Variants in BTBD7 observed in about 807,000 individuals in gnomAD.
The protein encoded by BTBD7 is BTB/POZ domain-containing protein 7.
A neutral mutation model predicts 99.9 loss-of-function variants in BTBD7; 38 were observed. That is an observed-to-expected ratio of 0.38 (90% CI 0.29 to 0.50). The LOEUF (loss-of-function observed/expected upper bound fraction) is 0.50. Among genes scored for constraint, BTBD7 ranks in the 20% least tolerant of loss-of-function variants. The pLI is 0.93. For synonymous variants in BTBD7, 520 were observed against 511.4 expected, an observed-to-expected ratio of 1.02 and a Z score of -0.23; for missense variants, 1,170 against 1,394.6, an observed-to-expected ratio of 0.84 and a Z score of 2.57.
rs1384237878 is a variant in BTBD7, at chr14:93,242,514, T to C, written c.3158A>G (p.His1053Arg). The change falls in exon 11 of 11, where the codon CAT (histidine) becomes CGT (arginine). Residue 1053 changes from histidine to arginine, a missense_variant. Transcript: ENST00000334746. ...APENASTGPAHVRGRTAVETD... is the reference protein window; with the variant it reads ...APENASTGPARVRGRTAVETD... Reference sequence around the variant, plus strand: ...TTCTACTGCAGTTCGTCCCCTGACATGGGCTGGACCGGTACTAGCATTTTC... The same window carrying C: ...TTCTACTGCAGTTCGTCCCCTGACACGGGCTGGACCGGTACTAGCATTTTC... 4 of 1,614,232 alleles carry C rather than the reference T, an allele frequency of 2.5e-6. No homozygotes were observed. Among genetic ancestry groups the C allele is most frequent in the East Asian group, 2.2e-5 (1 of 44,890 alleles).
rs376287552 is a variant in BTBD7 at position 93,332,525 on chromosome 14, G to C, written c.-107+295C>G. 1.0e-3 allele frequency among the ~76,000 whole-genome samples: 154 copies of C among 151,358 alleles called. 1 individual carries two copies. In the East Asian group the frequency reaches 0.024, roughly 24 times the overall value. ...GCCGGGCTGCCGTCGCGACTCCCTC[G>C]GGCCGCTCTCCCCGCCCCGAGCGCC... On this transcript the variant is annotated intron_variant, in intron 1 of 10. Transcript: ENST00000334746.
At chr14:93,289,722 T>C (rs1358981462) in intron 3 of BTBD7, among the ~76,000 whole-genome samples, 1 of 152,172 alleles carries the variant, frequency 6.6e-6, no homozygotes, top group Non-Finnish European at 1.5e-5. Flanking sequence ...TCAAGTGAAG[T>C]TAAATCTGGT....
intron 3 of BTBD7, among the ~76,000 whole-genome samples, chr14:93,281,911 G>C (rs2052725071): frequency 6.6e-6 from 1 of 152,216 alleles, no homozygotes; most frequent in Non-Finnish European, 1.5e-5. Flanking sequence ...GTTATTATAG[G>C]AGATGGTTTA....
At chr14:93,300,770 G>GTATA (rs1566857172) in intron 1 of BTBD7, among the ~76,000 whole-genome samples, 3 of 36,320 alleles carry the variant, frequency 8.3e-5, no homozygotes, top group Non-Finnish European at 1.4e-4. Flanking sequence ...GTGTGTGTGT[G>GTATA]TGTATATATA....
At chr14:93,297,045 G>A (rs566520849) in intron 1 of BTBD7, among the ~76,000 whole-genome samples, 3 of 152,178 alleles carry the variant, frequency 2.0e-5, no homozygotes, top group East Asian at 1.9e-4. Flanking sequence ...ATGGGGTAAC[G>A]AGTTTAAGAA....
intron 1 of BTBD7, among the ~76,000 whole-genome samples, chr14:93,305,848 T>C (rs1240294288): frequency 6.6e-6 from 1 of 152,202 alleles, no homozygotes; most frequent in African/African-American, 2.4e-5. Context: ...AGGGCCTTCT[T>C]GCTGTGCCCT....
intron 1 of BTBD7, among the ~76,000 whole-genome samples, chr14:93,316,826 C>T (rs1020262636): frequency 1.3e-5 from 2 of 152,006 alleles, no homozygotes; most frequent in African/African-American, 2.4e-5. Context: ...TGAGAAAATG[C>T]CCATGTAACA....
At chr14:93,278,829 T>C (rs1275429932) in intron 3 of BTBD7, among the ~76,000 whole-genome samples, 1 of 152,198 alleles carries the variant, frequency 6.6e-6, no homozygotes, top group African/African-American at 2.4e-5. Context: ...GCATAGTGGC[T>C]CAGGCATGTA....
chr14:93,251,793 A>C (rs971597531), intron 7 of BTBD7, 141 bp from the exon 8 acceptor site: 2 of 742,298 alleles, frequency 2.7e-6, no homozygotes, highest in Non-Finnish European at 3.8e-6. Flanking sequence ...GTGGTGAAAG[A>C]AAGTTCCCCT....
intron 7 of BTBD7, among the ~76,000 whole-genome samples, chr14:93,252,333 A>G (rs2052378270): frequency 6.6e-6 from 1 of 151,944 alleles, no homozygotes; most frequent in African/African-American, 2.4e-5. Flanking sequence ...AAGATTGATA[A>G]TCAATTCAAG....
At chr14:93,272,998 G>A (rs147167836) in intron 3 of BTBD7, among the ~76,000 whole-genome samples, 1 of 152,164 alleles carries the variant, frequency 6.6e-6, no homozygotes, top group Non-Finnish European at 1.5e-5. Context: ...CTGTGCTTTC[G>A]GCATGCACTG....
chr14:93,317,679 T>C (rs2053223129), intron 1 of BTBD7, among the ~76,000 whole-genome samples: 1 of 152,236 alleles, frequency 6.6e-6, no homozygotes, highest in South Asian at 2.1e-4. Flanking sequence ...AAGGCCTGCA[T>C]GCAAAGATGG....
chr14:93,264,908 T>C (rs1338347059), intron 3 of BTBD7, among the ~76,000 whole-genome samples: 1 of 152,166 alleles, frequency 6.6e-6, no homozygotes, highest in East Asian at 1.9e-4. Context: ...AAGACCAGTC[T>C]GGCCAACATG....
At chr14:93,317,540 G>A (rs182822864) in intron 1 of BTBD7, among the ~76,000 whole-genome samples, 38 of 151,950 alleles carry the variant, frequency 2.5e-4, no homozygotes, top group Admixed American at 1.5e-3. Context: ...GAAAACAACG[G>A]TGGAGAAAAA....
At chr14:93,291,250 A>G (rs1197041076) in intron 3 of BTBD7, among the ~76,000 whole-genome samples, 1 of 152,154 alleles carries the variant, frequency 6.6e-6, no homozygotes, top group Non-Finnish European at 1.5e-5. Flanking sequence ...AATGTTTACT[A>G]TGTAACAGGT....
chr14:93,245,778 T>C (rs763144352), intron 10 of BTBD7, 47 bp downstream of exon 10: 4 of 1,568,290 alleles, frequency 2.6e-6, no homozygotes, highest in Non-Finnish European at 2.6e-6. Flanking sequence ...TTGCTTCTAA[T>C]TCTCCATAAA....
At chr14:93,298,029 C>T (rs575681450) in intron 1 of BTBD7, among the ~76,000 whole-genome samples, 1 of 151,730 alleles carries the variant, frequency 6.6e-6, no homozygotes, top group South Asian at 2.1e-4. Context: ...TTTGCACTTT[C>T]AAGTTCGATT....
At chr14:93,312,809 C>T (rs1225601541) in intron 1 of BTBD7, among the ~76,000 whole-genome samples, 3 of 152,122 alleles carry the variant, frequency 2.0e-5, no homozygotes, top group African/African-American at 7.2e-5. Context: ...AGGCAGTTCT[C>T]CCGTCCAGCC....
intron 1 of BTBD7, among the ~76,000 whole-genome samples, chr14:93,313,706 A>ACAAT (rs2053166304): frequency 6.6e-6 from 1 of 150,496 alleles, no homozygotes; most frequent in Non-Finnish European, 1.5e-5. Context: ...ACACACACAC[A>ACAAT]CACACACACA....
Sources: gnomAD v4.1 joint callset for allele counts (sites outside exome capture counted in the v4.1 genomes callset) on GRCh38, gnomAD v4.1.1 for gene constraint, MANE v1.5 for transcripts, NCBI Gene and HGNC (gene_info 2026-07-23, HGNC 2026-07-21) for gene names.